RGS3: variants seen among roughly 807,000 people sequenced by gnomAD.
RGS3 encodes the protein regulator of G-protein signalling 3.
A neutral mutation model predicts 132.6 loss-of-function variants in RGS3; 80 were observed. That is an observed-to-expected ratio of 0.60 (90% confidence interval 0.50 to 0.73). The LOEUF (loss-of-function observed/expected upper bound fraction) is 0.73. RGS3 is among the 30% of genes least tolerant of loss of function. RGS3 has a pLI of 0.00. For missense variants in RGS3, 1,382 were observed against 1,530.8 expected (o/e 0.90, Z 1.62); for synonymous variants, 598 against 620.6 (o/e 0.96, Z 0.54).
upstream of RGS3, among the ~76,000 whole-genome samples, chr9:113,456,981 G>A (rs1271248991): frequency 6.6e-6 from 1 of 152,254 alleles, no homozygotes; most frequent in African/African-American, 2.4e-5. Flanking sequence ...TATTTTAGTA[G>A]AGATGGGTTT....
At chr9:113,531,917 G>T (rs1348976689) in intron 18 of RGS3, among the ~76,000 whole-genome samples, 1 of 152,216 alleles carries the variant, frequency 6.6e-6, no homozygotes, top group Non-Finnish European at 1.5e-5. Context: ...GGCTGAAGAG[G>T]TTTTGTTTTT....
chr9:113,594,373 A>G lies in RGS3; in HGVS notation c.3081-57A>G, dbSNP rs371250045. 216 of 1,603,096 alleles carry G rather than the reference A, an allele frequency of 1.3e-4. 2 individuals carry two copies. In the African/African-American group the frequency reaches 2.8e-3, roughly 21 times the overall value. The stretch of plus-strand genomic sequence containing the variant: ...CTCGACCCAGCTCTCCCGACTCTGG[A>G]TTTGCAGGGGCGAGTGGGCCAGGCT... On this transcript the variant is annotated intron_variant, in intron 21 of 24. Transcript: ENST00000350696.
chr9:113,511,013 C>T (rs1239608001), intron 14 of RGS3, among the ~76,000 whole-genome samples: 2 of 152,190 alleles, frequency 1.3e-5, no homozygotes, highest in African/African-American at 4.8e-5. Context: ...AAGAGATAGC[C>T]CTTCAGGAGT....
At chr9:113,513,165 A>T (rs778187800) in intron 14 of RGS3, among the ~76,000 whole-genome samples, 18 of 152,324 alleles carry the variant, frequency 1.2e-4, no homozygotes, top group African/African-American at 3.1e-4. Context: ...ACTGCACTCC[A>T]GCCTGAGCAA....
At chr9:113,508,713 G>A in intron 14 of RGS3, 133 bp downstream of exon 12, 1 of 818,282 alleles carries the variant, frequency 1.2e-6, no homozygotes, top group Admixed American at 2.1e-5. Flanking sequence ...TATCGACACA[G>A]ACTCTCTTTC....
Position 113,553,459 on chromosome 9 carries a change from A to AAAAAAAAT in RGS3, c.2037+16542_2037+16543insAAAAAATA, listed in dbSNP as rs1426114805. ...CTCTGTTTAAAAAAAAAAAAAAAAA[A>AAAAAAAAT]ATATATATATATATATATATATATA... is the stretch of plus-strand genomic sequence containing the variant. On this transcript the variant is annotated intron_variant, in intron 19 of 24. Coordinates refer to ENST00000350696, the Ensembl canonical transcript of RGS3. Among the ~76,000 whole-genome samples, 319 of 58,656 alleles carry AAAAAAAAT rather than the reference A, an allele frequency of 5.4e-3. 4 individuals are homozygous for AAAAAAAAT. Among genetic ancestry groups the AAAAAAAAT allele is most frequent in the Non-Finnish European group, 7.4e-3 (244 of 33,030 alleles). The allele number at this position is 58,656 out of a possible 152,430, so 38.5% of individuals were successfully genotyped here.
At chr9:113,444,731 A>G (rs577651730) in exon 1 of RGS3, 14 of 152,382 alleles carry the variant, frequency 9.2e-5, no homozygotes, top group Admixed American at 8.5e-4. Context: ...CTGGGCTTAG[A>G]ACTTTGGCTC....
At chr9:113,509,272 G>A (rs935536376) in intron 14 of RGS3, among the ~76,000 whole-genome samples, 1 of 151,172 alleles carries the variant, frequency 6.6e-6, no homozygotes. Context: ...GTGACAGAGC[G>A]AGACTCTGTC....
At chr9:113,534,280 A>G (rs1306687297) in intron 18 of RGS3, among the ~76,000 whole-genome samples, 1 of 152,198 alleles carries the variant, frequency 6.6e-6, no homozygotes, top group African/African-American at 2.4e-5. Context: ...GCCCTTTCTA[A>G]GAGGCCTTTT....
chr9:113,587,358 G>T (rs2119006468), intron 20 of RGS3, among the ~76,000 whole-genome samples: 1 of 152,300 alleles, frequency 6.6e-6, no homozygotes, highest in South Asian at 2.1e-4. Flanking sequence ...GCAATGCCAG[G>T]CAAGAGGTGA....
chr9:113,455,035 C>G (rs1217994154), intron 1 of RGS3, among the ~76,000 whole-genome samples: 1 of 152,140 alleles, frequency 6.6e-6, no homozygotes, highest in East Asian at 1.9e-4. Flanking sequence ...CCTTGGAACT[C>G]TAGCTGCCTT....
At chr9:113,495,989 C>A in intron 8 of RGS3, 143 bp downstream of exon 6, 2 of 744,862 alleles carry the variant, frequency 2.7e-6, no homozygotes, top group South Asian at 1.5e-5. Context: ...GGGTGGCCTG[C>A]ATAGCAGCAC....
exon 15 of RGS3, chr9:113,514,467 G>A (rs776408927): frequency 3.7e-6 from 6 of 1,613,518 alleles, no homozygotes; most frequent in African/African-American, 1.3e-5. Flanking sequence ...GAATCAGGGA[G>A]TCCCAGTAAA....
intron 18 of RGS3, among the ~76,000 whole-genome samples, chr9:113,533,582 C>T (rs1832562746): frequency 6.6e-6 from 1 of 152,154 alleles, no homozygotes; most frequent in Non-Finnish European, 1.5e-5. Context: ...ATTAGTAAGG[C>T]AGAATTCCTG....
In RGS3 at chr9:113,537,947, C is replaced by A. The variant is rs906580296; in HGVS notation, c.2037+1029C>A. Among the ~76,000 whole-genome samples, 1 of 152,192 alleles carries A rather than the reference C, an allele frequency of 6.6e-6. No individual in the cohort carries two copies. Among genetic ancestry groups the A allele is most frequent in the Admixed American group, 6.5e-5 (1 of 15,286 alleles). The stretch of plus-strand genomic sequence containing the variant: ...TTACATCATCTTAGCTGTGAACGTT[C>A]TCTTGTTTTACACTAGCTAGTGGCA... On this transcript the variant is annotated intron_variant, in intron 19 of 24. Coordinates refer to ENST00000350696, the Ensembl canonical transcript of RGS3. This position sits in a 1 kb window ranked among gnomAD's most constrained non-coding sequence, Gnocchi z 4.3.
Position 113,506,397 on chromosome 9 carries a change from C to T in RGS3, c.989C>T (p.Ala330Val), listed in dbSNP as rs1018726483. Residue 330 changes from alanine (A) to valine (V), a missense_variant, in exon 12 of 25, where the codon GCG becomes GTG. Coordinates refer to ENST00000350696, the Ensembl canonical transcript of RGS3. The surrounding 1 kb of genome is among the most constrained non-coding windows in gnomAD (Gnocchi z 4.7). ...TTCTTTGTCCCTGCAGGGGGTCCGG[C>T]GGAACGGGCAGGGCTGCAGCAGCTG... 1 of 1,586,470 alleles carries T rather than the reference C, an allele frequency of 6.3e-7. No homozygotes were observed. The highest frequency in any genetic ancestry group is 8.6e-7 in the Non-Finnish European group (1 of 1,167,390).
chr9:113,594,211 G>T (rs1019837992), intron 21 of RGS3: 7 of 1,612,766 alleles, frequency 4.3e-6, no homozygotes, highest in Non-Finnish European at 5.9e-6. Context: ...CGGGGTGGGG[G>T]ACAGGAGCCA....
rs770105225 is a variant in RGS3 at position 113,508,524 on chromosome 9, C to A, written c.1438-17C>A. The A allele has an allele frequency of 6.2e-7, 1 of 1,612,552 alleles. No individual in the cohort carries two copies. Reference sequence around the variant, plus strand: ...TGTTCCTGGGGCTGAGGTGGTTTTCCTGTCTTTCCCTTGCAGCTGCTCCGG... The same window carrying A: ...TGTTCCTGGGGCTGAGGTGGTTTTCATGTCTTTCCCTTGCAGCTGCTCCGG... On this transcript the variant is annotated splice_polypyrimidine_tract_variant and intron_variant, in intron 13 of 24. Transcript: ENST00000350696.
intron 14 of RGS3, among the ~76,000 whole-genome samples, chr9:113,511,469 A>G (rs1430426179): frequency 6.6e-6 from 1 of 151,806 alleles, no homozygotes; most frequent in Non-Finnish European, 1.5e-5. Context: ...GGGTGGGTGG[A>G]GATTGGGCAC....
Sources: allele counts gnomAD v4.1 joint callset (sites outside exome capture counted in the v4.1 genomes callset), GRCh38; gene constraint gnomAD v4.1.1; non-coding constraint Gnocchi (gnomAD v3.1); transcripts MANE v1.5; gene names NCBI Gene and HGNC (gene_info 2026-07-23, HGNC 2026-07-21).